The following PRDM16 variants were observed in gnomAD, a reference collection of about 807,000 sequenced individuals.
PRDM16 encodes the protein histone-lysine N-methyltransferase PRDM16.
Under a neutral mutation model 110.6 loss-of-function variants are expected in PRDM16, and 23 were observed. That is an observed-to-expected ratio of 0.21 (90% CI 0.15 to 0.29). The LOEUF is 0.29. Ranked by LOEUF, PRDM16 falls within the 10% of genes least tolerant of loss-of-function variation. PRDM16 has a pLI of 1.00. For missense variants in PRDM16, 1,615 were observed against 1,794.3 expected (o/e 0.90, Z 1.81); for synonymous variants, 799 against 781.8 (o/e 1.02, Z -0.37).
chr1:3,234,494 T>A (rs1569894876), intron 2 of PRDM16, among the ~76,000 whole-genome samples: 2 of 152,290 alleles, frequency 1.3e-5, no homozygotes, highest in Middle Eastern at 3.4e-3. Flanking sequence ...GTATCTGATT[T>A]CTAGCCGCCT....
intron 1 of PRDM16, among the ~76,000 whole-genome samples, chr1:3,105,422 CA>C (rs1642631278): frequency 1.3e-5 from 2 of 152,224 alleles, no homozygotes; most frequent in Admixed American, 6.5e-5. Context: ...CTCTCTGGGC[CA>C]GGGGCTGGTC....
In PRDM16 at chr1:3,270,718, G is replaced by GTCGGGGAGGACAGTCCCGGAGGAGGACAA. The variant is rs1557571585; in HGVS notation, c.438+26586_438+26587insGAGGACAGTCCCGGAGGAGGACAATCGGG. 3.0e-3 allele frequency among the ~76,000 whole-genome samples: 450 copies of GTCGGGGAGGACAGTCCCGGAGGAGGACAA among 150,310 alleles called. 7 individuals are homozygous for GTCGGGGAGGACAGTCCCGGAGGAGGACAA. Among genetic ancestry groups the GTCGGGGAGGACAGTCCCGGAGGAGGACAA allele is most frequent in the African/African-American group, 0.01 (421 of 40,824 alleles). On this transcript the variant is annotated intron_variant, in intron 3 of 16. Coordinates refer to ENST00000270722, the MANE Select transcript of PRDM16 (RefSeq NM_022114.4). ...GGGAGGACAGTCCCGGAGGAGGACA[G>GTCGGGGAGGACAGTCCCGGAGGAGGACAA]TCGGGAGGAGGACAGTCCCAAAGGA...
chr1:3,408,782 G>A (rs112274186), intron 8 of PRDM16, among the ~76,000 whole-genome samples: 16 of 144,694 alleles, frequency 1.1e-4, no homozygotes, highest in East Asian at 1.0e-3. Flanking sequence ...GAGTGTGGGC[G>A]CGTGAGCCGG....
At chr1:3,133,898 T>C (rs1643383978) in intron 1 of PRDM16, among the ~76,000 whole-genome samples, 2 of 152,186 alleles carry the variant, frequency 1.3e-5, no homozygotes, top group African/African-American at 4.8e-5. Context: ...CTCCAGGAAG[T>C]TGGACCTCGC....
chr1:3,388,136 A>G (rs1331342269), intron 4 of PRDM16, among the ~76,000 whole-genome samples: 1 of 152,262 alleles, frequency 6.6e-6, no homozygotes, highest in Non-Finnish European at 1.5e-5. Context: ...CTCTTTGAGA[A>G]GGAAACATCA....
At chr1:3,314,082 G>A (rs886981469) in intron 3 of PRDM16, among the ~76,000 whole-genome samples, 7 of 151,254 alleles carry the variant, frequency 4.6e-5, no homozygotes, top group Non-Finnish European at 7.4e-5. Flanking sequence ...GGGGGGGGGG[G>A]CGGGAACATA....
rs1203255448 is a variant in PRDM16, at chr1:3,358,504, G to C, written c.439-26648G>C. Among the ~76,000 whole-genome samples, 2 of 152,190 alleles carry C rather than the reference G, an allele frequency of 1.3e-5. No homozygotes were observed. The highest frequency in any genetic ancestry group is 2.9e-5 in the Non-Finnish European group (2 of 68,042). On this transcript the variant is annotated intron_variant, in intron 3 of 16. Transcript: ENST00000270722. The surrounding 1 kb of genome is among the most constrained non-coding windows in gnomAD (Gnocchi z 4.0). ...ACTCCCAGCCGCGGCTTCGGATGCA[G>C]CTGGAATAAGGTTCCAGTGTTCCCT...
intron 3 of PRDM16, among the ~76,000 whole-genome samples, chr1:3,348,627 C>A (rs1412942310): frequency 6.6e-6 from 1 of 152,282 alleles, no homozygotes; most frequent in African/African-American, 2.4e-5. Context: ...GAGCTTTGAA[C>A]TCACAGTGCC....
chr1:3,164,829 C>T (rs1322106721), intron 1 of PRDM16, among the ~76,000 whole-genome samples: 1 of 152,180 alleles, frequency 6.6e-6, no homozygotes, highest in Non-Finnish European at 1.5e-5. Context: ...CACCCACCGC[C>T]CAGCCCGCCT....
intron 3 of PRDM16, among the ~76,000 whole-genome samples, chr1:3,383,756 G>C (rs1355498324): frequency 5.3e-5 from 8 of 152,112 alleles, no homozygotes; most frequent in Admixed American, 1.3e-4. Context: ...ACAGGTCACT[G>C]TCTCATCCTG....
intron 3 of PRDM16, among the ~76,000 whole-genome samples, chr1:3,364,968 G>A (rs1569575926): frequency 1.3e-5 from 2 of 152,318 alleles, no homozygotes; most frequent in African/African-American, 4.8e-5. Flanking sequence ...GCCTGGGAAA[G>A]CCTTACCCAG....
chr1:3,295,626 G>A (rs887317321), intron 3 of PRDM16, among the ~76,000 whole-genome samples: 1 of 152,122 alleles, frequency 6.6e-6, no homozygotes, highest in Non-Finnish European at 1.5e-5. Context: ...CCCTCCCACC[G>A]GTAGCAGCAG....
chr1:3,147,162 G>T (rs1430205437), intron 1 of PRDM16, among the ~76,000 whole-genome samples: 5 of 149,062 alleles, frequency 3.4e-5, no homozygotes, highest in African/African-American at 9.9e-5. Context: ...TGTGAGGTGT[G>T]TGCACGCACG....
rs1241132769 is a variant in PRDM16, at chr1:3,181,076, TCTTACACACGGC to T, written c.38-5038_38-5027del. ...CTTACACGCGGTCTTACACACCCGG[TCTTACACACGGC>T]CTTACACACGCAGTCTTACACGCGG... On this transcript the variant is annotated intron_variant, in intron 1 of 16. Coordinates refer to ENST00000270722, the MANE Select transcript of PRDM16 (RefSeq NM_022114.4). Among the ~76,000 whole-genome samples, 491 of 142,474 alleles carry T rather than the reference TCTTACACACGGC, an allele frequency of 3.4e-3. 8 individuals carry two copies. Among genetic ancestry groups the T allele is most frequent in the African/African-American group, 0.013 (466 of 36,278 alleles). The allele number at this position is 142,474 out of a possible 152,430, so 93.5% of individuals were successfully genotyped here.
chr1:3,431,256 C>G (rs1310800699), intron 15 of PRDM16, 148 bp downstream of exon 15: 1 of 1,349,194 alleles, frequency 7.4e-7, no homozygotes, highest in East Asian at 2.5e-5. Context: ...CACACACAGG[C>G]CAGGGCAAGG....
At chr1:3,151,201 TG>T (rs935699608) in intron 1 of PRDM16, among the ~76,000 whole-genome samples, 3 of 152,146 alleles carry the variant, frequency 2.0e-5, no homozygotes, top group Non-Finnish European at 4.4e-5. Context: ...TCGCTGGGCA[TG>T]GGGGCAGGGC....
intron 1 of PRDM16, among the ~76,000 whole-genome samples, chr1:3,073,470 G>T (rs1200887903): frequency 6.6e-6 from 1 of 152,256 alleles, no homozygotes; most frequent in Non-Finnish European, 1.5e-5. Context: ...TCAAACCCGT[G>T]TAACGAGTCT....
chr1:3,331,410 G>A (rs12047586), intron 3 of PRDM16, among the ~76,000 whole-genome samples: 1 of 152,084 alleles, frequency 6.6e-6, no homozygotes. Flanking sequence ...GAATCCCCCA[G>A]ATCAGGACCC....
At chr1:3,387,457 TC>T (rs1405996537) in intron 4 of PRDM16, among the ~76,000 whole-genome samples, 1 of 152,148 alleles carries the variant, frequency 6.6e-6, no homozygotes, top group African/African-American at 2.4e-5. Context: ...ATTCCTCCAC[TC>T]GGGGCACTTC....
Sources: allele counts gnomAD v4.1 joint callset (sites outside exome capture counted in the v4.1 genomes callset), GRCh38; gene constraint gnomAD v4.1.1; non-coding constraint Gnocchi (gnomAD v3.1); transcripts MANE v1.5; gene names NCBI Gene and HGNC (gene_info 2026-07-23, HGNC 2026-07-21).